Variants in TMEM163 observed in about 807,000 individuals in gnomAD.
TMEM163 encodes the protein transmembrane protein 163.
TMEM163 carries 17 observed loss-of-function variants against 29.3 expected under a neutral mutation model. That is an observed-to-expected ratio of 0.58 (90% CI 0.40 to 0.87). TMEM163 has a LOEUF of 0.87. Ranked by LOEUF, TMEM163 falls within the 40% of genes least tolerant of loss-of-function variation. TMEM163 has a pLI of 0.00. For missense variants in TMEM163, 303 were observed against 381.5 expected (o/e 0.79, Z 1.71); for synonymous variants, 157 against 160.6 (o/e 0.98, Z 0.17).
Position 134,456,362 on chromosome 2 carries a change from T to C in TMEM163, c.*354A>G, listed in dbSNP as rs1574143555. The stretch of plus-strand genomic sequence containing the variant: ...GCAGGGCCACCCAAGCTGGAGGAGG[T>C]GGGTCTGCTCAGTCCTATGCAGCGC... On this transcript the variant is annotated 3_prime_UTR_variant, in exon 8 of 8. Transcript: ENST00000281924. 5.2e-6 allele frequency: 1 copy of C among 193,626 alleles called. No homozygotes were observed. The highest frequency in any genetic ancestry group is 1.0e-5 in the Non-Finnish European group (1 of 95,288). 12.0% of individuals were successfully genotyped at this position (193,626 alleles called of 1,614,324 possible). A position where few individuals can be genotyped will look rare whatever the true frequency, so the allele number is the denominator to read the frequency against.
intron 5 of TMEM163, among the ~76,000 whole-genome samples, chr2:134,498,548 T>C (rs1257253834): frequency 6.6e-6 from 1 of 152,080 alleles, no homozygotes; most frequent in East Asian, 1.9e-4. Flanking sequence ...GCCAGGCTGG[T>C]CTCGAACTCC....
At chr2:134,593,665 C>A (rs1406302302) in intron 2 of TMEM163, among the ~76,000 whole-genome samples, 2 of 151,980 alleles carry the variant, frequency 1.3e-5, no homozygotes, top group Non-Finnish European at 2.9e-5. Flanking sequence ...GAAGGTAAGC[C>A]GAGTCTTGAA....
intron 2 of TMEM163, among the ~76,000 whole-genome samples, chr2:134,592,609 C>T (rs1224033378): frequency 6.6e-6 from 1 of 152,072 alleles, no homozygotes; most frequent in East Asian, 1.9e-4. Context: ...GTGCTCCCTT[C>T]TCATCATGGG....
chr2:134,530,331 G>A (rs1051969938), intron 4 of TMEM163, among the ~76,000 whole-genome samples: 5 of 152,142 alleles, frequency 3.3e-5, no homozygotes, highest in Non-Finnish European at 7.4e-5. Context: ...GAGTTCAGTG[G>A]TGTGATTAAG....
chr2:134,506,950 C>A (rs2106488956), intron 4 of TMEM163, among the ~76,000 whole-genome samples: 1 of 152,292 alleles, frequency 6.6e-6, no homozygotes, highest in Admixed American at 6.5e-5. Context: ...TCCCTCCTGC[C>A]CCAACTCTGG....
chr2:134,610,628 T>G (rs868782854), intron 2 of TMEM163, among the ~76,000 whole-genome samples: 1 of 152,182 alleles, frequency 6.6e-6, no homozygotes. Context: ...CCTCCAGGAA[T>G]GCACACGGGA....
chr2:134,543,014 C>T (rs981598237), intron 4 of TMEM163, among the ~76,000 whole-genome samples: 9 of 152,200 alleles, frequency 5.9e-5, no homozygotes, highest in Non-Finnish European at 1.0e-4. Flanking sequence ...ATAACCTGAT[C>T]TTCACTTGTT....
At chr2:134,494,991 CCCAGG>C (rs1180133103) in intron 5 of TMEM163, among the ~76,000 whole-genome samples, 1 of 152,062 alleles carries the variant, frequency 6.6e-6, no homozygotes, top group East Asian at 1.9e-4. Context: ...GGTTCTCCCT[CCCAGG>C]TTCTCCCTCC....
chr2:134,556,902 A>T (rs186236685), intron 2 of TMEM163, among the ~76,000 whole-genome samples: 1 of 152,324 alleles, frequency 6.6e-6, no homozygotes, highest in East Asian at 1.9e-4. Context: ...TAATAAACAG[A>T]TAGGTTGTAT....
intron 4 of TMEM163, among the ~76,000 whole-genome samples, chr2:134,508,348 C>A (rs1679872396): frequency 6.6e-6 from 1 of 152,216 alleles, no homozygotes; most frequent in Non-Finnish European, 1.5e-5. Flanking sequence ...TCACTCTGGT[C>A]TCCAAAGCAT....
intron 2 of TMEM163, among the ~76,000 whole-genome samples, chr2:134,672,909 G>A (rs1018243613): frequency 6.6e-6 from 1 of 151,954 alleles, no homozygotes; most frequent in Non-Finnish European, 1.5e-5. Flanking sequence ...ATCATCTTTG[G>A]CCCAGTACTG....
intron 5 of TMEM163, among the ~76,000 whole-genome samples, chr2:134,473,879 T>C (rs1197113736): frequency 6.6e-6 from 1 of 152,232 alleles, no homozygotes; most frequent in Non-Finnish European, 1.5e-5. Context: ...GTGAAAATCC[T>C]TCTCACAAAA....
At chr2:134,510,241 A>G (rs1264602730) in intron 4 of TMEM163, among the ~76,000 whole-genome samples, 2 of 152,244 alleles carry the variant, frequency 1.3e-5, no homozygotes, top group African/African-American at 4.8e-5. Flanking sequence ...GAAAAAATGA[A>G]TATGATTATA....
intron 2 of TMEM163, among the ~76,000 whole-genome samples, chr2:134,629,276 C>T (rs1206293771): frequency 6.6e-6 from 1 of 152,166 alleles, no homozygotes; most frequent in Non-Finnish European, 1.5e-5. Flanking sequence ...CACTATGCTG[C>T]CTCTCTCTCA....
chr2:134,470,428 T>C (rs1686773868), intron 5 of TMEM163, among the ~76,000 whole-genome samples: 2 of 151,722 alleles, frequency 1.3e-5, no homozygotes, highest in South Asian at 4.2e-4. Flanking sequence ...GTGAATGCTA[T>C]ATTAGTATTG....
chr2:134,562,556 T>C (rs1681205515), intron 2 of TMEM163, among the ~76,000 whole-genome samples: 1 of 152,208 alleles, frequency 6.6e-6, no homozygotes, highest in African/African-American at 2.4e-5. Flanking sequence ...ATTGAACCTC[T>C]TTGGTTTGAA....
At chr2:134,633,966 CATAT>C (rs535811215) in intron 2 of TMEM163, among the ~76,000 whole-genome samples, 707 of 37,358 alleles carry the variant, frequency 0.019, 19 homozygotes, top group East Asian at 0.054. Context: ...AAAAAAAATA[CATAT>C]ATATATATAT....
At chr2:134,487,578 T>C (rs1679341800) in intron 5 of TMEM163, among the ~76,000 whole-genome samples, 1 of 152,222 alleles carries the variant, frequency 6.6e-6, no homozygotes, top group Non-Finnish European at 1.5e-5. Flanking sequence ...ATATTACTAA[T>C]GCAATGTTAG....
Position 134,463,275 on chromosome 2 carries a change from G to A in TMEM163, c.667+2839C>T, listed in dbSNP as rs544419928. Among the ~76,000 whole-genome samples the A allele has an allele frequency of 7.1e-4, 108 of 152,312 alleles. 2 individuals are homozygous for A. In the South Asian group the frequency reaches 0.022, roughly 32 times the overall value. On this transcript the variant is annotated intron_variant, in intron 6 of 7. Transcript: ENST00000281924. ...GCTGGAGGTCCCAACCCAAACCCCT[G>A]GCCAGGGCCCACTCATCCCTCGGCT...
Sources: allele counts gnomAD v4.1 joint callset (sites outside exome capture counted in the v4.1 genomes callset), GRCh38; gene constraint gnomAD v4.1.1; transcripts MANE v1.5; gene names NCBI Gene and HGNC (gene_info 2026-07-23, HGNC 2026-07-21).